The following COL4A2 variants were observed in gnomAD, a reference collection of about 807,000 sequenced individuals.
The protein encoded by COL4A2 is collagen type IV alpha 2 chain.
In COL4A2, 99 loss-of-function variants were observed where a neutral mutation model predicts 200.2. That is an observed-to-expected ratio of 0.49 (90% CI 0.42 to 0.58). The LOEUF (loss-of-function observed/expected upper bound fraction) is 0.58. Ranked by LOEUF, COL4A2 falls within the 20% of genes least tolerant of loss-of-function variation. COL4A2 has a pLI of 0.00. For missense variants in COL4A2, 1,950 were observed against 2,314.1 expected, an observed-to-expected ratio of 0.84 and a Z score of 3.23; for synonymous variants, 897 against 900.6, an observed-to-expected ratio of 1.00 and a Z score of 0.07.
rs1266043522 is a variant in COL4A2 at position 110,501,747 on chromosome 13, T to C, written c.3840T>C (p.Pro1280=). The C allele has an allele frequency of 2.5e-6, 4 of 1,613,604 alleles. No homozygotes were observed. Among genetic ancestry groups the C allele is most frequent in the Non-Finnish European group, 3.4e-6 (4 of 1,179,670 alleles). The change falls in exon 41 of 48, where the codon CCT becomes CCC. Residue 1280 remains proline (P), a synonymous_variant. Coordinates refer to ENST00000360467, the MANE Select transcript of COL4A2 (RefSeq NM_001846.4). ...CCCCTTCCAACATCTCTGGGGCACC[T>C]GGTGACAAAGGGGCGCCAGGGATAT... ...ITPPSNISGA[P]GDKGAPGIFG...
intron 41 of COL4A2, among the ~76,000 whole-genome samples, chr13:110,502,319 G>A (rs1485497150): frequency 6.6e-6 from 1 of 152,108 alleles, no homozygotes; most frequent in African/African-American, 2.4e-5. Context: ...TTTTTTGTTG[G>A]GTTGTTTTCT....
intron 45 of COL4A2, among the ~76,000 whole-genome samples, chr13:110,505,310 A>C (rs185236753): frequency 6.6e-6 from 1 of 152,156 alleles, no homozygotes; most frequent in East Asian, 1.9e-4. Flanking sequence ...AGATCGCGCC[A>C]CTGCACTCCA....
chr13:110,420,912 G>C (rs1880225641), intron 4 of COL4A2, among the ~76,000 whole-genome samples: 1 of 152,222 alleles, frequency 6.6e-6, no homozygotes, highest in African/African-American at 2.4e-5. Context: ...GATCCATCTG[G>C]GAGGACTAAG....
intron 24 of COL4A2, 39 bp downstream of exon 24, chr13:110,462,423 C>T (rs1165872768): frequency 5.0e-6 from 8 of 1,600,128 alleles, no homozygotes; most frequent in Non-Finnish European, 6.8e-6. Flanking sequence ...GTCCTCTCTT[C>T]TTCATCCTTC....
At chr13:110,310,434 T>C (rs1381642206) in intron 3 of COL4A2, among the ~76,000 whole-genome samples, 1 of 150,926 alleles carries the variant, frequency 6.6e-6, no homozygotes, top group East Asian at 2.0e-4. Flanking sequence ...GCCAATTCAC[T>C]TTATTTTCCT....
chr13:110,331,663 A>G (rs61390515), intron 3 of COL4A2, among the ~76,000 whole-genome samples: 10,743 of 152,178 alleles, frequency 0.071, 1,003 homozygotes, highest in African/African-American at 0.22. Context: ...GGAGGAATGG[A>G]GGCAATATTC....
intron 3 of COL4A2, among the ~76,000 whole-genome samples, chr13:110,334,735 A>G (rs1876095217): frequency 6.6e-6 from 1 of 152,262 alleles, no homozygotes; most frequent in Non-Finnish European, 1.5e-5. Flanking sequence ...GTATATAACA[A>G]TGCTTTGTTT....
At chr13:110,348,009 T>C (rs1469204824) in intron 3 of COL4A2, among the ~76,000 whole-genome samples, 1 of 152,232 alleles carries the variant, frequency 6.6e-6, no homozygotes, top group Admixed American at 6.5e-5. Context: ...AAAGGATTGC[T>C]TCCAGACAGG....
intron 3 of COL4A2, among the ~76,000 whole-genome samples, chr13:110,315,687 C>T (rs1291293530): frequency 1.3e-5 from 2 of 152,202 alleles, no homozygotes; most frequent in Admixed American, 6.5e-5. Context: ...TGAGCCACCA[C>T]GCCCTGCCAT....
chr13:110,482,323 G>C (rs911399467), intron 31 of COL4A2, among the ~76,000 whole-genome samples, 193 bp from the exon 32 acceptor site: 1 of 152,224 alleles, frequency 6.6e-6, no homozygotes, highest in Non-Finnish European at 1.5e-5. Flanking sequence ...GCTGATTCTG[G>C]AATGCTGTCT....
In COL4A2 at chr13:110,450,430, C is replaced by T. The variant is rs1881495613; in HGVS notation, c.1315C>T (p.Leu439Phe). Residue 439 changes from leucine (L) to phenylalanine (F), a missense_variant, in exon 20 of 48, where the codon CTC (leucine) becomes TTC (phenylalanine). Coordinates refer to ENST00000360467, the MANE Select transcript of COL4A2 (RefSeq NM_001846.4). Reference protein sequence around the residue: ...GKRGPPGPPGLPGPPGPDGFL... With the variant: ...GKRGPPGPPGFPGPPGPDGFL... ...GCGAGGGCCTCCAGGACCCCCCGGG[C>T]TCCCTGGACCACCTGGACCTGATGG... 1 of 1,613,874 alleles carries T rather than the reference C, an allele frequency of 6.2e-7. No homozygotes were observed. The highest frequency in any genetic ancestry group is 8.5e-7 in the Non-Finnish European group (1 of 1,179,940).
intron 3 of COL4A2, among the ~76,000 whole-genome samples, chr13:110,331,885 T>C (rs1875932711): frequency 6.6e-6 from 1 of 152,180 alleles, no homozygotes; most frequent in South Asian, 2.1e-4. Flanking sequence ...ACTCTTTGTA[T>C]CCTAAATACA....
chr13:110,471,726 C>A (rs935690426), intron 28 of COL4A2, among the ~76,000 whole-genome samples: 1 of 152,194 alleles, frequency 6.6e-6, no homozygotes, highest in African/African-American at 2.4e-5. Flanking sequence ...TTTACCGGCC[C>A]AGGAGGTCCC....
chr13:110,307,877 G>C lies in COL4A2; in HGVS notation c.-27G>C, dbSNP rs776451934. ...GCCTCTAGGCTAAGTGGGACTGACC[G>C]GGGCCCAGAGTGGACGAACCGCCAG... On this transcript the variant is annotated 5_prime_UTR_variant, in exon 2 of 48. Transcript: ENST00000360467. This position sits in a 1 kb window ranked among gnomAD's most constrained non-coding sequence, Gnocchi z 5.0. 6.2e-6 allele frequency: 10 copies of C among 1,607,980 alleles called. No individual in the cohort carries two copies. Among genetic ancestry groups the C allele is most frequent in the African/African-American group, 1.3e-5 (1 of 74,876 alleles).
chr13:110,400,205 A>G (rs1879322639), intron 4 of COL4A2, among the ~76,000 whole-genome samples: 1 of 152,216 alleles, frequency 6.6e-6, no homozygotes, highest in South Asian at 2.1e-4. Flanking sequence ...TTGGAGATCA[A>G]TTTGCATATG....
intron 3 of COL4A2, among the ~76,000 whole-genome samples, chr13:110,320,302 G>A (rs896332094): frequency 5.3e-5 from 8 of 152,204 alleles, no homozygotes; most frequent in East Asian, 1.9e-4. Flanking sequence ...ACCCCCTGCC[G>A]CGTGGGTGCC....
chr13:110,505,174 C>A (rs1190473130), intron 45 of COL4A2, among the ~76,000 whole-genome samples: 1 of 151,412 alleles, frequency 6.6e-6, no homozygotes, highest in African/African-American at 2.4e-5. Context: ...CACGGTGAAA[C>A]CCCGTCTCTA....
intron 18 of COL4A2, among the ~76,000 whole-genome samples, chr13:110,449,131 A>T (rs1224266771): frequency 6.6e-6 from 1 of 152,258 alleles, no homozygotes; most frequent in East Asian, 1.9e-4. Context: ...CCTAATGCCT[A>T]CATGATAAAA....
At chr13:110,385,497 GTTA>G (rs1566504969) in intron 4 of COL4A2, among the ~76,000 whole-genome samples, 3 of 150,764 alleles carry the variant, frequency 2.0e-5, no homozygotes, top group Non-Finnish European at 3.0e-5. Context: ...ATAGGCCGTG[GTTA>G]CAGTGTGTGG....
Sources: gnomAD v4.1 joint callset for allele counts (sites outside exome capture counted in the v4.1 genomes callset) on GRCh38, gnomAD v4.1.1 for gene constraint, Gnocchi (gnomAD v3.1) non-coding constraint, MANE v1.5 for transcripts, NCBI Gene and HGNC (gene_info 2026-07-23, HGNC 2026-07-21) for gene names.